The following USP35 variants were observed in gnomAD, a reference collection of about 807,000 sequenced individuals.
USP35 encodes ubiquitin specific peptidase 35, also known as ubiquitin carboxyl-terminal hydrolase 35.
Under a neutral mutation model 83.8 loss-of-function variants are expected in USP35, and 69 were observed. The observed-to-expected ratio is 0.82, with a 90% CI of 0.68 to 1.01. USP35 has a LOEUF of 1.01. Among genes scored for constraint, USP35 ranks in the 50% least tolerant of loss-of-function variants. The pLI is 0.00. For missense variants in USP35, 1,503 were observed against 1,362.5 expected, an observed-to-expected ratio of 1.10 and a Z score of -1.62; for synonymous variants, 714 against 589.5, an observed-to-expected ratio of 1.21 and a Z score of -3.06.
chr11:78,194,754 G>A (rs1863093657), intron 1 of USP35, among the ~76,000 whole-genome samples: 1 of 152,138 alleles, frequency 6.6e-6, no homozygotes, highest in South Asian at 2.1e-4. Context: ...CCCTGCATTT[G>A]CTCATCCAGC....
Position 78,196,940 on chromosome 11 carries a change from G to A in USP35, c.673+22G>A. 7.0e-7 allele frequency: 1 copy of A among 1,436,320 alleles called. No individual in the cohort carries two copies. The highest frequency in any genetic ancestry group is 9.1e-7 in the Non-Finnish European group (1 of 1,098,870). 89.0% of individuals were successfully genotyped at this position (1,436,320 alleles called of 1,614,324 possible). ...GCAGGTGCGTGTGCGGCCGGGGCAG[G>A]AGCGCGGGCATGCGGAGGTCCTGGG... On this transcript the variant is annotated intron_variant, in intron 2 of 10. Coordinates refer to ENST00000529308, the MANE Select transcript of USP35 (RefSeq NM_020798.4). This position sits in a 1 kb window ranked among gnomAD's most constrained non-coding sequence, Gnocchi z 4.8.
chr11:78,207,645 G>C, intron 8 of USP35, 22 bp downstream of exon 8: 3 of 1,609,582 alleles, frequency 1.9e-6, no homozygotes, highest in African/African-American at 1.3e-5. Flanking sequence ...GGCAGTCAGA[G>C]GGGGGTGGAG....
the USP35 span, chr11:78,225,234 ATGGT>A: frequency 2.8e-6 from 4 of 1,434,590 alleles, no homozygotes; most frequent in Non-Finnish European, 3.9e-6. Flanking sequence ...ATAAGTACTC[ATGGT>A]TGATTCATGT....
At chr11:78,237,191 A>G in the USP35 span, among the ~76,000 whole-genome samples, 1 of 152,246 alleles carries the variant, frequency 6.6e-6, no homozygotes, top group Non-Finnish European at 1.5e-5. Flanking sequence ...TATTTGTCCA[A>G]GAGAAATAAA....
rs1864004624 is a variant in USP35 at position 78,214,513 on chromosome 11, G to GTGT, written c.*702_*704dup. 1 of 152,264 alleles carries GTGT rather than the reference G, an allele frequency of 6.6e-6. No homozygotes were observed. The highest frequency in any genetic ancestry group is 2.4e-5 in the African/African-American group (1 of 41,434). The allele number at this position is 152,264 out of a possible 1,614,324, so 9.4% of individuals were successfully genotyped here. ...TTAGAGTCCTGATTTTACTGCAAAGGTGTTCATGTTCCTTGTGAAGTGTGG... is the reference window on the plus strand; with the variant it reads ...TTAGAGTCCTGATTTTACTGCAAAGGTGTTGTTCATGTTCCTTGTGAAGTGTGG... On this transcript the variant is annotated 3_prime_UTR_variant, in exon 11 of 11. Transcript: ENST00000529308.
At chr11:78,226,898 A>G in the USP35 span, 1 of 1,613,824 alleles carries the variant, frequency 6.2e-7, no homozygotes, top group Non-Finnish European at 8.5e-7. Context: ...TGAATTCTGT[A>G]TTGTGCCGGC....
chr11:78,208,393 C>G (rs995114330), intron 8 of USP35, among the ~76,000 whole-genome samples: 1 of 152,214 alleles, frequency 6.6e-6, no homozygotes, highest in Non-Finnish European at 1.5e-5. Flanking sequence ...CATCTCTGCC[C>G]TCATGGAGCC....
In USP35 at chr11:78,214,163, T is replaced by TGACATC. The variant is rs1425454737; in HGVS notation, c.*351_*356dup. ...AGGCTAGACCTCAGCTCCAATGTTT[T>TGACATC]GACATCAAGTACTATTTTCCTTCCG... On this transcript the variant is annotated 3_prime_UTR_variant, in exon 11 of 11. Coordinates refer to ENST00000529308, the MANE Select transcript of USP35 (RefSeq NM_020798.4). 1 of 204,362 alleles carries TGACATC rather than the reference T, an allele frequency of 4.9e-6. No homozygotes were observed. Among genetic ancestry groups the TGACATC allele is most frequent in the African/African-American group, 2.4e-5 (1 of 42,550 alleles). 12.7% of individuals were successfully genotyped at this position (204,362 alleles called of 1,614,324 possible).
chr11:78,202,134 AG>A (rs1863377145), intron 6 of USP35, among the ~76,000 whole-genome samples: 1 of 152,214 alleles, frequency 6.6e-6, no homozygotes, highest in African/African-American at 2.4e-5. Flanking sequence ...CTCTGGAGTG[AG>A]GCAAGTGCGT....
At chr11:78,227,631 C>CAAAAAAAA in the USP35 span, among the ~76,000 whole-genome samples, 38 of 106,084 alleles carry the variant, frequency 3.6e-4, 1 homozygote, top group East Asian at 1.2e-3. Context: ...CCATTGCCAC[C>CAAAAAAAA]AAAAAAAAAA....
At chr11:78,199,032 C>T (rs374257545) in intron 3 of USP35, 39 of 156,400 alleles carry the variant, frequency 2.5e-4, no homozygotes, top group Admixed American at 4.3e-4. Context: ...GTGCTCAGCC[C>T]GCACAGGCAG....
intron 2 of USP35, among the ~76,000 whole-genome samples, 197 bp downstream of exon 2, chr11:78,197,115 C>T (rs1863176539): frequency 6.6e-6 from 1 of 152,106 alleles, no homozygotes; most frequent in South Asian, 2.1e-4. Flanking sequence ...GCTGTGGGTC[C>T]TCTCCTGCAG....
the USP35 span, among the ~76,000 whole-genome samples, chr11:78,233,040 GT>G: frequency 1.0e-3 from 137 of 131,906 alleles, no homozygotes; most frequent in Non-Finnish European, 1.0e-3. Flanking sequence ...GCACTGTTAA[GT>G]TTTTTTTTTT....
At chr11:78,206,530 CT>C (rs1863535162) in intron 7 of USP35, among the ~76,000 whole-genome samples, 1 of 152,174 alleles carries the variant, frequency 6.6e-6, no homozygotes, top group African/African-American at 2.4e-5. Context: ...TTTCTTTTCT[CT>C]GAGCGTCAGG....
chr11:78,209,587 A>G lies in USP35; in HGVS notation c.1732A>G (p.Ile578Val). 1 of 1,614,100 alleles carries G rather than the reference A, an allele frequency of 6.2e-7. No individual in the cohort carries two copies. The highest frequency in any genetic ancestry group is 2.2e-5 in the East Asian group (1 of 44,858). Residue 578 changes from isoleucine to valine, a missense_variant, in exon 10 of 11, where the codon ATC (isoleucine) becomes GTC (valine). Transcript: ENST00000529308. ...GTTTGGAGGCAAGATAGTGACTCGG[A>G]TCTGCTGTCTCTGCTGCCTCAACGT... is the stretch of plus-strand genomic sequence containing the variant. ...KMFGGKIVTR[I>V]CCLCCLNVSS...
In USP35 at chr11:78,209,527, C is replaced by T. The variant is rs202205531; in HGVS notation, c.1672C>T (p.Pro558Ser). 15 of 1,613,668 alleles carry T rather than the reference C, an allele frequency of 9.3e-6. No individual in the cohort carries two copies. Among genetic ancestry groups the T allele is most frequent in the African/African-American group, 8.0e-5 (6 of 75,008 alleles). ...CAGCTCGCCCTCTCCGCCCGAGGAG[C>T]CCCCGGCCCCAAGTTCAACCTCTGT... ...QSSSPSPPEE[P>S]PAPSSTSVEK... Residue 558 changes from proline (P) to serine (S), a missense_variant, in exon 10 of 11, where the codon CCC (proline) becomes TCC (serine). Physicochemically the swap from Pro to Ser is moderately conservative, Grantham distance 74. Coordinates refer to ENST00000529308, the MANE Select transcript of USP35 (RefSeq NM_020798.4).
Position 78,213,970 on chromosome 11 carries a change from GGA to G in USP35, c.*158_*159del. 1.3e-6 allele frequency: 1 copy of G among 788,290 alleles called. No homozygotes were observed. The highest frequency in any genetic ancestry group is 1.8e-6 in the Non-Finnish European group (1 of 546,750). The allele number at this position is 788,290 out of a possible 1,614,324, so 48.8% of individuals were successfully genotyped here. ...GGTACACAGAGATTCTCTCAGATAT[GGA>G]AGTAAGACCTAAGTCCCTTTCATTG... On this transcript the variant is annotated 3_prime_UTR_variant, in exon 11 of 11. Transcript: ENST00000529308.
the USP35 span, chr11:78,226,477 G>A: frequency 6.2e-7 from 1 of 1,612,912 alleles, no homozygotes; most frequent in Non-Finnish European, 8.5e-7. Context: ...CGGTGAAGTC[G>A]GCTGTTGTCC....
the USP35 span, among the ~76,000 whole-genome samples, chr11:78,233,026 C>T: frequency 2.0e-5 from 3 of 146,526 alleles, no homozygotes; most frequent in South Asian, 2.1e-4. Flanking sequence ...CTTACCAATA[C>T]CTGGCACTGT....
Sources: allele counts gnomAD v4.1 joint callset (sites outside exome capture counted in the v4.1 genomes callset), GRCh38; gene constraint gnomAD v4.1.1; non-coding constraint Gnocchi (gnomAD v3.1); transcripts MANE v1.5; gene names NCBI Gene and HGNC (gene_info 2026-07-23, HGNC 2026-07-21).